The following TNS3 variants were observed in gnomAD, a reference collection of about 807,000 sequenced individuals.
TNS3 encodes the protein tensin 3.
Under a neutral mutation model 140.9 loss-of-function variants are expected in TNS3, and 45 were observed. The observed-to-expected ratio is 0.32, with a 90% CI of 0.25 to 0.41. TNS3 has a LOEUF of 0.41. Ranked by LOEUF, TNS3 falls within the 10% of genes least tolerant of loss-of-function variation. The pLI, the probability that TNS3 is intolerant of heterozygous loss-of-function variation, is 1.00. For synonymous variants in TNS3, 815 were observed against 788.4 expected, an observed-to-expected ratio of 1.03 and a Z score of -0.56; for missense variants, 1,716 against 1,906.7, an observed-to-expected ratio of 0.90 and a Z score of 1.86.
chr7:47,452,909 G>A lies in TNS3; in HGVS notation c.-75-10854C>T, dbSNP rs536321037. 5.9e-5 allele frequency: 58 copies of A among 985,490 alleles called. No homozygotes were observed. The South Asian group carries it at 2.6e-3, about 44-fold the overall frequency. The allele number at this position is 985,490 out of a possible 1,614,324, so 61.0% of individuals were successfully genotyped here. A position where few individuals can be genotyped will look rare whatever the true frequency, so the allele number is the denominator to read the frequency against. ...CCAGTGCCAGCCCAGCCGAGAGGCG[G>A]CACGTGGGGAGTTGGGAACTTACTG... On this transcript the variant is annotated intron_variant, in intron 4 of 30. Coordinates refer to ENST00000311160, the MANE Select transcript of TNS3 (RefSeq NM_022748.12).
chr7:47,474,663 C>T (rs888914609), intron 4 of TNS3, among the ~76,000 whole-genome samples: 27 of 136,684 alleles, frequency 2.0e-4, no homozygotes, highest in Non-Finnish European at 3.6e-4. Context: ...ACACAAAAAA[C>T]ACCTCACACA....
At chr7:47,429,314 G>C (rs1389123960) in intron 8 of TNS3, among the ~76,000 whole-genome samples, 1 of 152,114 alleles carries the variant, frequency 6.6e-6, no homozygotes, top group Non-Finnish European at 1.5e-5. Context: ...TGCAGGGGTA[G>C]GTTTGAGTAT....
At position 47,437,162 on chromosome 7, in the gene TNS3, C is replaced by G. The variant is rs141578819; in HGVS notation, c.201+101G>C. On this transcript the variant is annotated intron_variant, in intron 7 of 30. Coordinates refer to ENST00000311160, the MANE Select transcript of TNS3 (RefSeq NM_022748.12). The stretch of plus-strand genomic sequence containing the variant: ...ATGAACAATTCCTAATACTCCTTAT[C>G]AAGTCACATTCCACAAAGACTAGTA... 6.1e-4 allele frequency: 442 copies of G among 722,526 alleles called. 3 individuals carry two copies. In the Admixed American group the frequency reaches 0.012, roughly 20 times the overall value. 44.8% of individuals were successfully genotyped at this position (722,526 alleles called of 1,614,324 possible).
At chr7:47,517,456 C>A (rs1798817651) in intron 2 of TNS3, among the ~76,000 whole-genome samples, 1 of 152,174 alleles carries the variant, frequency 6.6e-6, no homozygotes, top group Non-Finnish European at 1.5e-5. Flanking sequence ...CCGCAGGGAC[C>A]TTCACCACCT....
intron 3 of TNS3, among the ~76,000 whole-genome samples, chr7:47,485,853 T>C (rs570971721): frequency 2.6e-5 from 4 of 152,226 alleles, no homozygotes; most frequent in Admixed American, 2.0e-4. Context: ...AGCCAGCAGG[T>C]CCACAGGACA....
intron 20 of TNS3, among the ~76,000 whole-genome samples, chr7:47,333,709 A>G (rs1788466657): frequency 6.6e-6 from 1 of 152,218 alleles, no homozygotes; most frequent in Non-Finnish European, 1.5e-5. Context: ...CAATAAAAAT[A>G]AAGCATTGTG....
At chr7:47,439,804 G>C in intron 5 of TNS3, 146 bp from the exon 6 acceptor site, 1 of 787,264 alleles carries the variant, frequency 1.3e-6, no homozygotes, top group African/African-American at 1.7e-5. Flanking sequence ...TTTACAGTGT[G>C]TGCAGCCTCT....
At chr7:47,292,951 A>T in intron 25 of TNS3, 46 bp from the exon 26 acceptor site, 1 of 1,548,526 alleles carries the variant, frequency 6.5e-7, no homozygotes. Flanking sequence ...ACTGCTGTAG[A>T]TGTTGTGTGC....
At chr7:47,359,117 C>T (rs371165729) in intron 17 of TNS3, among the ~76,000 whole-genome samples, 2 of 152,164 alleles carry the variant, frequency 1.3e-5, no homozygotes, top group Admixed American at 6.5e-5. Flanking sequence ...CACCATTCAC[C>T]GAGGCCAAAG....
chr7:47,330,533 A>G (rs780561566), intron 20 of TNS3, among the ~76,000 whole-genome samples: 8 of 152,096 alleles, frequency 5.3e-5, no homozygotes, highest in Non-Finnish European at 1.0e-4. Flanking sequence ...CCAAATCCCA[A>G]CCCAGGTCCC....
At chr7:47,481,369 C>T in intron 3 of TNS3, 1 of 327,494 alleles carries the variant, frequency 3.1e-6, no homozygotes, top group Non-Finnish European at 5.8e-6. Context: ...AACCATGGGG[C>T]CTCCCCTTCC....
chr7:47,366,728 T>C (rs1790727485), intron 17 of TNS3, among the ~76,000 whole-genome samples: 1 of 152,172 alleles, frequency 6.6e-6, no homozygotes. Flanking sequence ...GCAGGTCCCA[T>C]GTGAACCTGG....
intron 1 of TNS3, among the ~76,000 whole-genome samples, chr7:47,554,374 C>G (rs945625861): frequency 6.7e-6 from 1 of 149,822 alleles, no homozygotes; most frequent in Non-Finnish European, 1.5e-5. Flanking sequence ...GCTGAGATTG[C>G]GCCACTGCAC....
intron 28 of TNS3, 148 bp from the exon 29 acceptor site, chr7:47,280,502 G>A (rs1785086534): frequency 1.3e-6 from 1 of 769,820 alleles, no homozygotes; most frequent in Non-Finnish European, 2.2e-6. Flanking sequence ...AGAAGAAAGT[G>A]CGTGCTCATT....
At chr7:47,326,541 T>TA (rs1788034118) in intron 20 of TNS3, among the ~76,000 whole-genome samples, 1 of 151,860 alleles carries the variant, frequency 6.6e-6, no homozygotes, top group Admixed American at 6.6e-5. Flanking sequence ...GGTTCCCCCT[T>TA]AGAGTGCAGG....
chr7:47,563,095 C>A (rs79622674), intron 1 of TNS3, among the ~76,000 whole-genome samples: 3 of 152,140 alleles, frequency 2.0e-5, no homozygotes, highest in African/African-American at 7.2e-5. Context: ...TGGGCATCCC[C>A]GGGCCAGGCC....
In TNS3 at chr7:47,368,267, T is replaced by G. The variant is rs374497706; in HGVS notation, c.2281+98A>C. On this transcript the variant is annotated intron_variant, in intron 17 of 30. Transcript: ENST00000311160. ...AAGGGAAATGTCCCTCCCTTGTGGA[T>G]TTCGCCAAAAGCTAACCTACTAGGC... 1.3e-5 allele frequency: 16 copies of G among 1,250,588 alleles called. No individual in the cohort carries two copies. In the African/African-American group the frequency reaches 1.7e-4, roughly 13 times the overall value. The allele number at this position is 1,250,588 out of a possible 1,614,324, so 77.5% of individuals were successfully genotyped here.
intron 23 of TNS3, among the ~76,000 whole-genome samples, chr7:47,298,764 C>CATCT (rs1415103327): frequency 1.3e-5 from 2 of 152,264 alleles, no homozygotes; most frequent in Non-Finnish European, 2.9e-5. Flanking sequence ...ACAGCCAAGG[C>CATCT]ATCTGTCTGG....
intron 1 of TNS3, among the ~76,000 whole-genome samples, chr7:47,534,252 T>A (rs1349353386): frequency 6.6e-6 from 1 of 151,800 alleles, no homozygotes; most frequent in African/African-American, 2.4e-5. Context: ...CCAGCCTGGG[T>A]TGACAGAGTG....
Sources: allele counts gnomAD v4.1 joint callset (sites outside exome capture counted in the v4.1 genomes callset), GRCh38; gene constraint gnomAD v4.1.1; transcripts MANE v1.5; gene names NCBI Gene and HGNC (gene_info 2026-07-23, HGNC 2026-07-21).